CACNA1C: variants seen among roughly 807,000 people sequenced by gnomAD.
CACNA1C encodes calcium voltage-gated channel subunit alpha1 C.
A neutral mutation model predicts 229.0 loss-of-function variants in CACNA1C; 30 were observed. That is an observed-to-expected ratio of 0.13 (90% confidence interval 0.10 to 0.18). The LOEUF is 0.18. Ranked by LOEUF, CACNA1C falls within the 10% of genes least tolerant of loss-of-function variation. The pLI is 1.00. For missense variants in CACNA1C, 1,658 were observed against 2,845.0 expected, an observed-to-expected ratio of 0.58 and a Z score of 9.49; for synonymous variants, 1,114 against 1,132.5, an observed-to-expected ratio of 0.98 and a Z score of 0.33.
chr12:2,111,302 CAG>C (rs1399954270), intron 1 of CACNA1C, among the ~76,000 whole-genome samples: 1 of 152,230 alleles, frequency 6.6e-6, no homozygotes, highest in African/African-American at 2.4e-5. Flanking sequence ...ATGTGGTTTT[CAG>C]AGCTGCCCCA....
intron 1 of CACNA1C, among the ~76,000 whole-genome samples, chr12:2,033,295 A>G (rs1390037367): frequency 1.3e-5 from 2 of 152,138 alleles, no homozygotes; most frequent in African/African-American, 4.8e-5. Flanking sequence ...CGCCCTCTGC[A>G]GGCTCAAGTC....
chr12:2,271,412 G>T (rs1055149778), intron 3 of CACNA1C, among the ~76,000 whole-genome samples: 2 of 152,190 alleles, frequency 1.3e-5, no homozygotes, highest in Non-Finnish European at 2.9e-5. Flanking sequence ...TAAGGAGTTA[G>T]GTATTCTGAG....
Position 2,678,510 on chromosome 12 carries a change from G to GTGTT in CACNA1C, c.5091+646_5091+649dup, listed in dbSNP as rs779309349. 9.9e-5 allele frequency among the ~76,000 whole-genome samples: 15 copies of GTGTT among 152,180 alleles called. No homozygotes were observed. The highest frequency in any genetic ancestry group is 1.9e-4 in the Non-Finnish European group (13 of 68,040). ...TTGTGTTGCCTGCCTCACCACGCTG[G>GTGTT]TGTTTGGTTACAAATCCTTCTATAG... is the stretch of plus-strand genomic sequence containing the variant. On this transcript the variant is annotated intron_variant, in intron 41 of 46. Coordinates refer to ENST00000399655, the MANE Select transcript of CACNA1C (RefSeq NM_000719.7). This position sits in a 1 kb window ranked among gnomAD's most constrained non-coding sequence, Gnocchi z 4.1.
At chr12:2,301,083 A>G (rs2094521940) in intron 3 of CACNA1C, among the ~76,000 whole-genome samples, 1 of 152,120 alleles carries the variant, frequency 6.6e-6, no homozygotes, top group Admixed American at 6.5e-5. Context: ...TCCTGTCGTG[A>G]GCCGGTCCTC....
At chr12:2,164,903 G>A (rs941155493) in intron 3 of CACNA1C, among the ~76,000 whole-genome samples, 25 of 152,342 alleles carry the variant, frequency 1.6e-4, no homozygotes, top group Middle Eastern at 3.4e-3. Flanking sequence ...CATTGAAGTG[G>A]GGAGGGGAAA....
intron 3 of CACNA1C, among the ~76,000 whole-genome samples, chr12:2,369,491 C>T (rs1391006460): frequency 4.0e-5 from 6 of 151,794 alleles, no homozygotes; most frequent in African/African-American, 7.3e-5. Flanking sequence ...CCCCACCTCC[C>T]GGGTTCAAGC....
At chr12:2,268,894 G>A (rs1316334639) in intron 3 of CACNA1C, among the ~76,000 whole-genome samples, 1 of 152,198 alleles carries the variant, frequency 6.6e-6, no homozygotes, top group Non-Finnish European at 1.5e-5. Context: ...GAAGTGGAAT[G>A]GAAGACAGAC....
intron 3 of CACNA1C, among the ~76,000 whole-genome samples, chr12:2,257,991 G>T (rs1483324034): frequency 2.0e-5 from 3 of 152,194 alleles, no homozygotes; most frequent in Non-Finnish European, 2.9e-5. Flanking sequence ...CCTTCAGCAC[G>T]TGCACTCCCA....
chr12:2,303,631 C>T lies in CACNA1C; in HGVS notation c.478-145345C>T, dbSNP rs150311271. ...AAAAACAAACAAAATAGTATGCTAC[C>T]TCTAAATACCATCACACATTCTGAG... On this transcript the variant is annotated intron_variant, in intron 3 of 46. Transcript: ENST00000399655. Among the ~76,000 whole-genome samples, 287 of 152,278 alleles carry T rather than the reference C, an allele frequency of 1.9e-3. 1 individual carries two copies. Among genetic ancestry groups the T allele is most frequent in the African/African-American group, 6.7e-3 (280 of 41,556 alleles).
intron 3 of CACNA1C, among the ~76,000 whole-genome samples, chr12:2,424,023 T>C (rs1031593769): frequency 6.6e-6 from 1 of 152,010 alleles, no homozygotes; most frequent in South Asian, 2.1e-4. Context: ...CTGCCTGCGA[T>C]GTCAGTGTTT....
At chr12:2,607,331 G>A in intron 26 of CACNA1C, 1 of 552,558 alleles carries the variant, frequency 1.8e-6, no homozygotes, top group Non-Finnish European at 3.1e-6. Flanking sequence ...TCTCTAGAAG[G>A]TGTCAAGAAA....
intron 3 of CACNA1C, among the ~76,000 whole-genome samples, chr12:2,191,478 C>T (rs1466812405): frequency 2.0e-5 from 3 of 152,148 alleles, no homozygotes; most frequent in Non-Finnish European, 2.9e-5. Context: ...TGTGGATTAA[C>T]CCAGACATGG....
chr12:2,259,604 C>A (rs534451916), intron 3 of CACNA1C, among the ~76,000 whole-genome samples: 1 of 152,180 alleles, frequency 6.6e-6, no homozygotes, highest in Non-Finnish European at 1.5e-5. Flanking sequence ...ATTTTTTTGG[C>A]CCGGAGACAG....
intron 9 of CACNA1C, among the ~76,000 whole-genome samples, chr12:2,542,815 G>A (rs374413369): frequency 1.3e-5 from 2 of 152,308 alleles, no homozygotes; most frequent in South Asian, 4.1e-4. Context: ...GTTCAAGCAA[G>A]AGTGGCCACC....
At position 2,632,847 on chromosome 12, in the gene CACNA1C, CCT is replaced by C. The variant is rs1174402845; in HGVS notation, c.3829-1449_3829-1448del. Among the ~76,000 whole-genome samples the C allele has an allele frequency of 1.3e-5, 2 of 152,146 alleles. No homozygotes were observed. The highest frequency in any genetic ancestry group is 4.8e-5 in the African/African-American group (2 of 41,424). ...AGGGGCTTAGAAAGCCTCAGAAAGC[CCT>C]GTCAAGAGCCACATAACACACTCCC... is the stretch of plus-strand genomic sequence containing the variant. On this transcript the variant is annotated intron_variant, in intron 29 of 46. Transcript: ENST00000399655. The surrounding 1 kb of genome is among the most constrained non-coding windows in gnomAD (Gnocchi z 4.1).
intron 3 of CACNA1C, among the ~76,000 whole-genome samples, chr12:2,429,470 A>C (rs1457971981): frequency 3.3e-5 from 5 of 152,142 alleles, no homozygotes; most frequent in Non-Finnish European, 5.9e-5. Flanking sequence ...CTGGGGTTGG[A>C]GTCAGAAAAC....
intron 29 of CACNA1C, among the ~76,000 whole-genome samples, chr12:2,620,819 G>A (rs1167812360): frequency 2.0e-5 from 3 of 152,248 alleles, no homozygotes; most frequent in South Asian, 2.1e-4. Flanking sequence ...AATGGCGGGA[G>A]CTGTTTCATG....
chr12:2,200,452 G>A (rs563305633), intron 3 of CACNA1C, among the ~76,000 whole-genome samples: 17 of 152,240 alleles, frequency 1.1e-4, no homozygotes, highest in African/African-American at 2.9e-4. Context: ...GCGGATAGAG[G>A]CCAGGGAAGC....
Position 2,108,891 on chromosome 12 carries a change from A to T in CACNA1C, c.50-6333A>T, listed in dbSNP as rs1349143716. ...TCCAGGTTGTCTGCGATACTCTTAAAGGGAATGCAGGCCCCTTGTCACTAC... is the reference window on the plus strand; with the variant it reads ...TCCAGGTTGTCTGCGATACTCTTAATGGGAATGCAGGCCCCTTGTCACTAC... On this transcript the variant is annotated intron_variant, in intron 1 of 46. Coordinates refer to ENST00000399655, the MANE Select transcript of CACNA1C (RefSeq NM_000719.7). This position sits in a 1 kb window ranked among gnomAD's most constrained non-coding sequence, Gnocchi z 5.3. Among the ~76,000 whole-genome samples the T allele has an allele frequency of 6.6e-6, 1 of 152,224 alleles. No homozygotes were observed. The highest frequency in any genetic ancestry group is 1.9e-4 in the East Asian group (1 of 5,200).
Sources: allele counts gnomAD v4.1 joint callset (sites outside exome capture counted in the v4.1 genomes callset), GRCh38; gene constraint gnomAD v4.1.1; non-coding constraint Gnocchi (gnomAD v3.1); transcripts MANE v1.5; gene names NCBI Gene and HGNC (gene_info 2026-07-23, HGNC 2026-07-21).